Variants in SATB1 observed in about 807,000 individuals in gnomAD.
SATB1 encodes the protein DNA-binding protein SATB1.
In SATB1, 11 loss-of-function variants were observed where a neutral mutation model predicts 86.9. The observed-to-expected ratio is 0.13, with a 90% confidence interval of 0.08 to 0.21. The LOEUF (loss-of-function observed/expected upper bound fraction) is 0.21, where lower values mean the gene tolerates loss of function less well. SATB1 is among the 10% of genes least tolerant of loss of function. The pLI, the probability that SATB1 is intolerant of heterozygous loss-of-function variation, is 1.00. For synonymous variants in SATB1, 357 were observed against 357.2 expected (o/e 1.00, Z 0.01); for missense variants, 551 against 937.6 (o/e 0.59, Z 5.39).
At chr3:18,410,926 C>T (rs1206671755) in intron 5 of SATB1, 5 of 391,432 alleles carry the variant, frequency 1.3e-5, no homozygotes, top group South Asian at 1.3e-4. Flanking sequence ...TTAATTCCTA[C>T]GGAAATGACT....
chr3:18,420,788 C>A lies in SATB1; in HGVS notation c.180G>T (p.Ser60=), dbSNP rs138373358. Residue 60 remains serine (S), a synonymous_variant, in exon 2 of 11, where the codon TCG becomes TCT. Transcript: ENST00000338745. ...AKMQGVPLKH[S]GHLMKTNLRK... The stretch of plus-strand genomic sequence containing the variant: ...TAAGGTTGGTTTTCATCAGATGGCC[C>A]GAGTGTTTTAAAGGCACTCCCTGCA... 6.2e-7 allele frequency: 1 copy of A among 1,613,968 alleles called. No individual in the cohort carries two copies. Among genetic ancestry groups the A allele is most frequent in the Non-Finnish European group, 8.5e-7 (1 of 1,180,010 alleles).
chr3:18,437,771 C>T (rs551278539), intron 1 of SATB1, among the ~76,000 whole-genome samples: 1 of 152,186 alleles, frequency 6.6e-6, no homozygotes, highest in African/African-American at 2.4e-5. Flanking sequence ...AACAGTACAT[C>T]TAAGTATCAT....
chr3:18,383,613 T>A (rs1387723394), intron 8 of SATB1, among the ~76,000 whole-genome samples: 5 of 152,186 alleles, frequency 3.3e-5, no homozygotes, highest in Admixed American at 2.0e-4. Flanking sequence ...TTTGGCAAAA[T>A]GTAAAATTTA....
rs1694154337 is a variant in SATB1, at chr3:18,348,170, T to C, written c.*1000A>G. The C allele has an allele frequency of 6.6e-6, 1 of 152,630 alleles. No homozygotes were observed. The highest frequency in any genetic ancestry group is 2.1e-4 in the South Asian group (1 of 4,836). The allele number at this position is 152,630 out of a possible 1,614,324, so 9.5% of individuals were successfully genotyped here. ...ACCAAAGGAAGACACATTGCAAACA[T>C]CAATTATTTTCACATTAATTGCATA... On this transcript the variant is annotated 3_prime_UTR_variant, in exon 11 of 11. Transcript: ENST00000338745.
chr3:18,440,530 GTAA>G (rs1027667216), upstream of SATB1, among the ~76,000 whole-genome samples: 26 of 152,262 alleles, frequency 1.7e-4, no homozygotes, highest in African/African-American at 6.0e-4. Flanking sequence ...AGGAAGGTAA[GTAA>G]TATTTTTCCT....
chr3:18,419,468 A>G (rs986086421), intron 2 of SATB1, among the ~76,000 whole-genome samples: 4 of 152,216 alleles, frequency 2.6e-5, no homozygotes, highest in Non-Finnish European at 5.9e-5. Context: ...TGAAGTCTGT[A>G]GAATCCTTGT....
intron 5 of SATB1, among the ~76,000 whole-genome samples, chr3:18,407,458 T>C (rs567588156): frequency 1.3e-5 from 2 of 152,166 alleles, no homozygotes; most frequent in South Asian, 2.1e-4. Flanking sequence ...ACAAGTGTGA[T>C]TTCAAACTCT....
intron 8 of SATB1, among the ~76,000 whole-genome samples, chr3:18,380,276 C>T (rs1695979959): frequency 6.6e-6 from 1 of 152,158 alleles, no homozygotes; most frequent in African/African-American, 2.4e-5. Flanking sequence ...ATCTGCTAAG[C>T]AATAGTTAAA....
intron 2 of SATB1, among the ~76,000 whole-genome samples, chr3:18,419,341 C>G (rs1363933274): frequency 6.6e-6 from 1 of 152,138 alleles, no homozygotes; most frequent in Admixed American, 6.5e-5. Context: ...AAGGGGAGAG[C>G]ACTGGTCACT....
chr3:18,386,811 T>TAAA lies in SATB1; in HGVS notation c.1207-201_1207-200insTTT, dbSNP rs1696368912. ...TCTTAATTTTATTAAGCATCTGCTT[T>TAAA]ACATATAACATAAACTGAAACTGCC... On this transcript the variant is annotated intron_variant, in intron 7 of 10. Coordinates refer to ENST00000338745, the MANE Select transcript of SATB1 (RefSeq NM_002971.6). The surrounding 1 kb of genome is among the most constrained non-coding windows in gnomAD (Gnocchi z 4.5). Among the ~76,000 whole-genome samples, 1 of 152,252 alleles carries TAAA rather than the reference T, an allele frequency of 6.6e-6. No individual in the cohort carries two copies. The highest frequency in any genetic ancestry group is 2.1e-4 in the South Asian group (1 of 4,832).
chr3:18,421,843 T>TA (rs201544416), intron 1 of SATB1, among the ~76,000 whole-genome samples: 2,188 of 136,964 alleles, frequency 0.016, 30 homozygotes, highest in African/African-American at 0.039. Flanking sequence ...CAAGCTCAAT[T>TA]AAAAAAAAAA....
At chr3:18,392,647 G>A (rs1696743972) in intron 7 of SATB1, among the ~76,000 whole-genome samples, 1 of 151,018 alleles carries the variant, frequency 6.6e-6, no homozygotes, top group Admixed American at 6.6e-5. Context: ...TGTCTTTGTG[G>A]GCTTTTAACT....
At chr3:18,372,529 C>A (rs916720907) in intron 9 of SATB1, among the ~76,000 whole-genome samples, 1 of 152,158 alleles carries the variant, frequency 6.6e-6, no homozygotes, top group Middle Eastern at 3.4e-3. Flanking sequence ...CCTCTTGATA[C>A]GACTTTTTAG....
chr3:18,417,267 G>GT, intron 2 of SATB1, 189 bp from the exon 3 acceptor site: 1 of 588,538 alleles, frequency 1.7e-6, no homozygotes, highest in South Asian at 2.2e-5. Context: ...ATTTAAAGTC[G>GT]TAACAGAAAT....
In SATB1 at chr3:18,443,809, G is replaced by C. The variant is rs1413877829; in HGVS notation, c.-25+1709C>G. On this transcript the variant is annotated intron_variant, in intron 1 of 3. Coordinates refer to the SATB1 transcript ENST00000415069. The surrounding 1 kb of genome is among the most constrained non-coding windows in gnomAD (Gnocchi z 4.4). ...CGGTGTGGACTGCGAGGCTGCACCTGTGATGTCCCGGCCCCTGCTAAGAGG... is the reference window on the plus strand; with the variant it reads ...CGGTGTGGACTGCGAGGCTGCACCTCTGATGTCCCGGCCCCTGCTAAGAGG... Among the ~76,000 whole-genome samples, 1 of 152,202 alleles carries C rather than the reference G, an allele frequency of 6.6e-6. No individual in the cohort carries two copies. Among genetic ancestry groups the C allele is most frequent in the African/African-American group, 2.4e-5 (1 of 41,456 alleles).
chr3:18,354,207 T>G (rs951570782), intron 9 of SATB1, among the ~76,000 whole-genome samples: 3 of 152,350 alleles, frequency 2.0e-5, no homozygotes, highest in Admixed American at 1.3e-4. Context: ...TGGTAAATAT[T>G]TGCCATCTGA....
At chr3:18,391,056 G>GA (rs1696636817) in intron 7 of SATB1, among the ~76,000 whole-genome samples, 1 of 151,890 alleles carries the variant, frequency 6.6e-6, no homozygotes, top group South Asian at 2.1e-4. Context: ...TTCAGAAGGG[G>GA]AAAAATTCCT....
At chr3:18,357,149 AC>A (rs1323116608) in intron 9 of SATB1, among the ~76,000 whole-genome samples, 1 of 151,656 alleles carries the variant, frequency 6.6e-6, no homozygotes, top group Non-Finnish European at 1.5e-5. Flanking sequence ...ATTCCCCCTC[AC>A]CCTCATCTTT....
intron 9 of SATB1, among the ~76,000 whole-genome samples, chr3:18,353,420 T>C: frequency 6.6e-6 from 1 of 151,750 alleles, no homozygotes; most frequent in South Asian, 2.1e-4. Flanking sequence ...CCAGGGCCCT[T>C]ACCAAATCAT....
Sources: allele counts gnomAD v4.1 joint callset (sites outside exome capture counted in the v4.1 genomes callset), GRCh38; gene constraint gnomAD v4.1.1; non-coding constraint Gnocchi (gnomAD v3.1); transcripts MANE v1.5; gene names NCBI Gene and HGNC (gene_info 2026-07-23, HGNC 2026-07-21).